Variants in SEMA3D observed in about 807,000 individuals in gnomAD.
The protein encoded by SEMA3D is semaphorin 3D, also known as semaphorin-3D.
Under a neutral mutation model 100.1 loss-of-function variants are expected in SEMA3D, and 84 were observed. That is an observed-to-expected ratio of 0.84 (90% confidence interval 0.70 to 1.01). SEMA3D has a LOEUF of 1.01. SEMA3D is among the 50% of genes least tolerant of loss of function. The probability of loss-of-function intolerance (pLI) is 0.00; values close to 1 mark genes in which losing one functional copy is unlikely to be tolerated. For synonymous variants in SEMA3D, 312 were observed against 320.7 expected, an observed-to-expected ratio of 0.97 and a Z score of 0.29; for missense variants, 875 against 934.1, an observed-to-expected ratio of 0.94 and a Z score of 0.82.
At chr7:85,053,599 G>C (rs772583218) in intron 9 of SEMA3D, among the ~76,000 whole-genome samples, 1 of 151,914 alleles carries the variant, frequency 6.6e-6, no homozygotes, top group Admixed American at 6.6e-5. Flanking sequence ...ACTTGAAAAT[G>C]TTCACTTTTT....
At chr7:85,167,364 T>C in intron 1 of SEMA3D, 1 of 984,000 alleles carries the variant, frequency 1.0e-6, no homozygotes, top group Non-Finnish European at 1.2e-6. Context: ...TCAACGGGAA[T>C]GAAGGAAAGT....
At chr7:85,154,899 T>C (rs1249946041) in intron 1 of SEMA3D, among the ~76,000 whole-genome samples, 1 of 152,188 alleles carries the variant, frequency 6.6e-6, no homozygotes, top group Non-Finnish European at 1.5e-5. Flanking sequence ...TAAGCTCAGA[T>C]GTCATTATTT....
At chr7:85,092,086 A>G (rs1159849517) in intron 4 of SEMA3D, among the ~76,000 whole-genome samples, 2 of 151,986 alleles carry the variant, frequency 1.3e-5, no homozygotes, top group African/African-American at 4.8e-5. Context: ...GAAACAACAA[A>G]CCCCAAGTTC....
chr7:85,110,001 A>G lies in SEMA3D; in HGVS notation c.151+11740T>C, dbSNP rs73181431. On this transcript the variant is annotated intron_variant, in intron 3 of 18. Coordinates refer to ENST00000284136, the MANE Select transcript of SEMA3D (RefSeq NM_001384900.1). ...TTAGACAAACCATGCCCTTTCTAAA[A>G]TTATTTCCACATTTATGCAAAAACA... Among the ~76,000 whole-genome samples, 860 of 152,092 alleles carry G rather than the reference A, an allele frequency of 5.7e-3. 1 individual carries two copies. The highest frequency in any genetic ancestry group is 9.0e-3 in the Non-Finnish European group (612 of 67,856).
chr7:85,133,166 G>T (rs1232868575), intron 2 of SEMA3D, among the ~76,000 whole-genome samples: 1 of 151,924 alleles, frequency 6.6e-6, no homozygotes, highest in African/African-American at 2.4e-5. Context: ...TTGAAGTCAT[G>T]TGTTGAATAT....
At chr7:85,161,841 C>G (rs1157759486) in intron 1 of SEMA3D, among the ~76,000 whole-genome samples, 2 of 152,090 alleles carry the variant, frequency 1.3e-5, no homozygotes, top group African/African-American at 4.8e-5. Flanking sequence ...CTTAAATATT[C>G]ACAGTGCCGC....
chr7:85,130,913 T>C (rs1789709079), intron 2 of SEMA3D, among the ~76,000 whole-genome samples: 2 of 152,084 alleles, frequency 1.3e-5, no homozygotes, highest in East Asian at 1.9e-4. Context: ...TTTCTGTTTG[T>C]CCATGGGCCA....
At chr7:85,022,283 T>C in intron 13 of SEMA3D, 108 bp downstream of exon 13, 2 of 733,056 alleles carry the variant, frequency 2.7e-6, no homozygotes, top group Non-Finnish European at 4.7e-6. Flanking sequence ...TTTTATCTAA[T>C]AATTACTCAT....
At chr7:85,102,476 G>T (rs1343269434) in intron 3 of SEMA3D, among the ~76,000 whole-genome samples, 2 of 151,956 alleles carry the variant, frequency 1.3e-5, no homozygotes, top group Non-Finnish European at 2.9e-5. Context: ...GAAATATAGG[G>T]ACTATGTTGG....
intron 1 of SEMA3D, among the ~76,000 whole-genome samples, chr7:85,173,088 G>A (rs968758266): frequency 2.6e-5 from 4 of 151,906 alleles, no homozygotes; most frequent in Non-Finnish European, 4.4e-5. Flanking sequence ...AACTTGGAAG[G>A]CTAAGTAAAT....
the SEMA3D span, among the ~76,000 whole-genome samples, chr7:85,248,681 G>A: frequency 6.6e-6 from 1 of 152,096 alleles, no homozygotes; most frequent in Admixed American, 6.5e-5. Context: ...AAAAGACATG[G>A]AGGAAACTTA....
chr7:85,185,327 C>A (rs1468204414), intron 1 of SEMA3D, among the ~76,000 whole-genome samples: 2 of 152,028 alleles, frequency 1.3e-5, no homozygotes, highest in Non-Finnish European at 2.9e-5. Context: ...AGATCCTCCC[C>A]CTCGTCTCTG....
At chr7:85,204,182 C>G in the SEMA3D span, among the ~76,000 whole-genome samples, 2 of 151,998 alleles carry the variant, frequency 1.3e-5, no homozygotes, top group Non-Finnish European at 2.9e-5. Context: ...GGAAGAGACT[C>G]TTGCTCGACC....
chr7:85,185,197 A>G (rs1173793645), intron 1 of SEMA3D, among the ~76,000 whole-genome samples: 1 of 151,980 alleles, frequency 6.6e-6, no homozygotes, highest in Non-Finnish European at 1.5e-5. Flanking sequence ...AGAACTGGGA[A>G]GGCTCTGACC....
chr7:85,031,836 T>G (rs936290468), intron 12 of SEMA3D, among the ~76,000 whole-genome samples: 2 of 151,928 alleles, frequency 1.3e-5, no homozygotes, highest in Admixed American at 6.6e-5. Context: ...TTTAGAGAGA[T>G]AGAATCATAA....
intron 2 of SEMA3D, among the ~76,000 whole-genome samples, chr7:85,129,085 T>C (rs555807727): frequency 6.6e-6 from 1 of 151,912 alleles, no homozygotes; most frequent in Admixed American, 6.6e-5. Flanking sequence ...AGGGTCTCAC[T>C]ATTTTGACCA....
intron 2 of SEMA3D, among the ~76,000 whole-genome samples, chr7:85,152,963 A>G (rs1222746885): frequency 6.6e-6 from 1 of 152,150 alleles, no homozygotes; most frequent in African/African-American, 2.4e-5. Context: ...ATGCCTGCTA[A>G]TTCTGAGAGA....
intron 5 of SEMA3D, among the ~76,000 whole-genome samples, chr7:85,078,153 A>T (rs1787937778): frequency 6.6e-6 from 1 of 152,206 alleles, no homozygotes; most frequent in African/African-American, 2.4e-5. Context: ...GTCACCAGTT[A>T]TCTCTGGTTA....
intron 4 of SEMA3D, among the ~76,000 whole-genome samples, chr7:85,084,566 A>G (rs540062917): frequency 2.0e-5 from 3 of 152,124 alleles, no homozygotes; most frequent in African/African-American, 7.2e-5. Context: ...TGTGCCTAGG[A>G]AAGGTTTTTT....
Sources: gnomAD v4.1 joint callset for allele counts (sites outside exome capture counted in the v4.1 genomes callset) on GRCh38, gnomAD v4.1.1 for gene constraint, MANE v1.5 for transcripts, NCBI Gene and HGNC (gene_info 2026-07-23, HGNC 2026-07-21) for gene names.